ADCY10: variants seen among roughly 807,000 people sequenced by gnomAD.
ADCY10 encodes the protein adenylate cyclase 10.
A neutral mutation model predicts 183.3 loss-of-function variants in ADCY10; 156 were observed. The ratio of observed to expected loss-of-function variants is 0.85; its 90% confidence interval spans 0.75 to 0.97. ADCY10 has a LOEUF of 0.97. Ranked by LOEUF, ADCY10 falls within the 50% of genes least tolerant of loss-of-function variation. The pLI is 0.00. For synonymous variants in ADCY10, 645 were observed against 670.0 expected (o/e 0.96, Z 0.58); for missense variants, 1,745 against 1,934.3 (o/e 0.90, Z 1.84).
chr1:167,855,861 T>A (rs1316246473), intron 17 of ADCY10, among the ~76,000 whole-genome samples: 3 of 151,350 alleles, frequency 2.0e-5, no homozygotes, highest in African/African-American at 7.3e-5. Flanking sequence ...AAATAAAAAA[T>A]TTACCGGAGG....
At chr1:167,874,654 G>T (rs186805039) in intron 13 of ADCY10, among the ~76,000 whole-genome samples, 20 of 152,250 alleles carry the variant, frequency 1.3e-4, no homozygotes, top group African/African-American at 4.6e-4. Context: ...TTCACCAAAA[G>T]ACTTGTGTAA....
intron 31 of ADCY10, among the ~76,000 whole-genome samples, chr1:167,816,789 T>A (rs1662556346): frequency 6.6e-6 from 1 of 151,682 alleles, no homozygotes; most frequent in African/African-American, 2.4e-5. Flanking sequence ...CTAATAGCTC[T>A]GACTTGCAAG....
In ADCY10 at chr1:167,899,546, G is replaced by A. The variant is rs758174086; in HGVS notation, c.519C>T (p.Asp173=). The A allele has an allele frequency of 6.2e-6, 10 of 1,614,190 alleles. No homozygotes were observed. Among genetic ancestry groups the A allele is most frequent in the Middle Eastern group, 3.3e-4 (2 of 6,054 alleles). Reference sequence around the variant, plus strand: ...CCATGTTCTGGGCAAGGCGCACATCGTCCACTGCCTGACCAATCACCAGAA... The same window carrying A: ...CCATGTTCTGGGCAAGGCGCACATCATCCACTGCCTGACCAATCACCAGAA... ...SHFLVIGQAV[D]DVRLAQNMAQ... is the part of the protein sequence containing the mutation. Residue 173 remains aspartate (D), a synonymous_variant, in exon 6 of 33, where the codon GAC becomes GAT. Coordinates refer to ENST00000367851, the MANE Select transcript of ADCY10 (RefSeq NM_018417.6).
chr1:167,892,035 G>C (rs61807004), intron 8 of ADCY10, among the ~76,000 whole-genome samples: 3 of 640 alleles, frequency 4.7e-3, no homozygotes, highest in Non-Finnish European at 0.01. Flanking sequence ...GTGCAGTGGA[G>C]CAATCTCGGC....
intron 13 of ADCY10, 118 bp from the exon 14 acceptor site, chr1:167,870,528 C>A: frequency 1.1e-6 from 1 of 897,820 alleles, no homozygotes; most frequent in Non-Finnish European, 1.7e-6. Context: ...CGCTGTGGCT[C>A]ACTCCTGTAA....
At chr1:167,910,080 C>A (rs114803632) in intron 1 of ADCY10, among the ~76,000 whole-genome samples, 1 of 152,160 alleles carries the variant, frequency 6.6e-6, no homozygotes, top group Non-Finnish European at 1.5e-5. Context: ...CTTTGGGGAC[C>A]TCAGTTCTTG....
At chr1:167,898,409 G>A (rs907596123) in intron 6 of ADCY10, among the ~76,000 whole-genome samples, 1 of 151,922 alleles carries the variant, frequency 6.6e-6, no homozygotes, top group African/African-American at 2.4e-5. Flanking sequence ...GACCAGCCTG[G>A]CCAAGATGGT....
intron 19 of ADCY10, among the ~76,000 whole-genome samples, chr1:167,847,086 C>T (rs1051685910): frequency 7.2e-5 from 11 of 151,870 alleles, no homozygotes; most frequent in Middle Eastern, 3.2e-3. Context: ...CCACCATGCC[C>T]GGCTAATTTT....
At chr1:167,852,537 C>G (rs574981745) in intron 18 of ADCY10, among the ~76,000 whole-genome samples, 1 of 152,050 alleles carries the variant, frequency 6.6e-6, no homozygotes, top group Non-Finnish European at 1.5e-5. Flanking sequence ...AGTATTTACT[C>G]TGCAGTATTT....
chr1:167,910,230 T>A (rs575377181), intron 1 of ADCY10, among the ~76,000 whole-genome samples: 4 of 152,330 alleles, frequency 2.6e-5, no homozygotes, highest in African/African-American at 9.6e-5. Context: ...CTAAGGAGAT[T>A]AAGCACCTTT....
chr1:167,855,067 T>C (rs1415786910), intron 17 of ADCY10, among the ~76,000 whole-genome samples: 1 of 152,286 alleles, frequency 6.6e-6, no homozygotes, highest in East Asian at 1.9e-4. Context: ...ACGCCTGTAA[T>C]CCCAGCACTT....
chr1:167,856,519 T>C, intron 16 of ADCY10, 80 bp from the exon 17 acceptor site: 1 of 1,395,076 alleles, frequency 7.2e-7, no homozygotes, highest in Non-Finnish European at 1.0e-6. Context: ...TGCATATGTA[T>C]CCATTGAGCT....
intron 19 of ADCY10, among the ~76,000 whole-genome samples, chr1:167,846,758 A>G (rs1665057815): frequency 6.6e-6 from 1 of 152,116 alleles, no homozygotes; most frequent in Admixed American, 6.5e-5. Flanking sequence ...CTGTGTCATG[A>G]CCAAGTGTCA....
At chr1:167,841,502 CTTT>C (rs71100905) in intron 21 of ADCY10, among the ~76,000 whole-genome samples, 8 of 90,902 alleles carry the variant, frequency 8.8e-5, no homozygotes, top group Admixed American at 1.3e-4. Flanking sequence ...ATATGCTTTC[CTTT>C]TTTTTTTTTT....
chr1:167,900,512 T>C (rs1021998542), intron 5 of ADCY10, among the ~76,000 whole-genome samples: 4 of 152,148 alleles, frequency 2.6e-5, no homozygotes, highest in African/African-American at 9.7e-5. Flanking sequence ...TGATTTTTTT[T>C]TCAACAAAAT....
intron 7 of ADCY10, among the ~76,000 whole-genome samples, chr1:167,895,038 T>C (rs1240230737): frequency 6.6e-6 from 1 of 151,832 alleles, no homozygotes; most frequent in Admixed American, 6.6e-5. Context: ...AAAAATTAGC[T>C]GGGTGTGGTG....
chr1:167,873,549 G>A (rs1158812744), intron 13 of ADCY10, among the ~76,000 whole-genome samples: 1 of 152,146 alleles, frequency 6.6e-6, no homozygotes, highest in Non-Finnish European at 1.5e-5. Flanking sequence ...ACTAGAAGTG[G>A]CTGCCTTCAG....
intron 31 of ADCY10, among the ~76,000 whole-genome samples, chr1:167,811,974 T>C (rs1662240666): frequency 6.6e-6 from 1 of 152,146 alleles, no homozygotes. Context: ...AGAGGAAGGC[T>C]TGGATGGTAA....
chr1:167,837,380 G>T, intron 21 of ADCY10, 62 bp from the exon 22 acceptor site: 2 of 1,400,018 alleles, frequency 1.4e-6, no homozygotes, highest in Non-Finnish European at 2.0e-6. Context: ...GGAGATATCT[G>T]CTGTCTACCC....
Sources: gnomAD v4.1 joint callset for allele counts (sites outside exome capture counted in the v4.1 genomes callset) on GRCh38, gnomAD v4.1.1 for gene constraint, MANE v1.5 for transcripts, NCBI Gene and HGNC (gene_info 2026-07-23, HGNC 2026-07-21) for gene names.